VPS13A: variants seen among roughly 807,000 people sequenced by gnomAD.
VPS13A encodes intermembrane lipid transfer protein VPS13A.
VPS13A carries 264 observed loss-of-function variants against 390.9 expected under a neutral mutation model. That is an observed-to-expected ratio of 0.68 (90% CI 0.61 to 0.75). The LOEUF (loss-of-function observed/expected upper bound fraction) is 0.75. Ranked by LOEUF, VPS13A falls within the 30% of genes least tolerant of loss-of-function variation. The pLI is 0.00. For missense variants in VPS13A, 3,409 were observed against 3,733.9 expected (o/e 0.91, Z 2.27); for synonymous variants, 1,231 against 1,227.1 (o/e 1.00, Z -0.07).
intron 23 of VPS13A, among the ~76,000 whole-genome samples, chr9:77,265,987 C>T (rs901270215): frequency 6.6e-6 from 1 of 152,156 alleles, no homozygotes; most frequent in Admixed American, 6.5e-5. Context: ...CCCAGAGATT[C>T]TGGTTGTGTC....
Position 77,238,149 on chromosome 9 carries a change from G to A in VPS13A, c.1743G>A (p.Arg581=), listed in dbSNP as rs751784418. Residue 581 remains arginine, a synonymous_variant, in exon 18 of 72, where the codon AGG becomes AGA. Transcript: ENST00000360280. ...CATTAGATGAAACTGTTTCTCAGAGGTGTATCATAGAAGCTGAACCTTTAG... is the reference window on the plus strand; with the variant it reads ...CATTAGATGAAACTGTTTCTCAGAGATGTATCATAGAAGCTGAACCTTTAG... ...INPLDETVSQ[R]CIIEAEPLEI... 2 of 1,613,684 alleles carry A rather than the reference G, an allele frequency of 1.2e-6. No individual in the cohort carries two copies. Among genetic ancestry groups the A allele is most frequent in the Admixed American group, 1.7e-5 (1 of 60,008 alleles).
At chr9:77,207,245 ATATAT>A (rs1825717441) in intron 5 of VPS13A, among the ~76,000 whole-genome samples, 2 of 112,872 alleles carry the variant, frequency 1.8e-5, no homozygotes, top group Non-Finnish European at 3.8e-5. Flanking sequence ...ATATATATAT[ATATAT>A]ATAAAACGTG....
At chr9:77,239,637 A>G (rs1426034839) in intron 19 of VPS13A, among the ~76,000 whole-genome samples, 3 of 151,940 alleles carry the variant, frequency 2.0e-5, no homozygotes, top group Non-Finnish European at 2.9e-5. Flanking sequence ...TGTCATGTCA[A>G]CAACATGTAA....
intron 45 of VPS13A, among the ~76,000 whole-genome samples, chr9:77,324,780 A>C (rs1829919283): frequency 1.0e-5 from 1 of 97,406 alleles, no homozygotes; most frequent in Admixed American, 8.9e-5. Context: ...GGGTTTAAGC[A>C]ATCCTCCTAT....
intron 13 of VPS13A, among the ~76,000 whole-genome samples, chr9:77,225,469 C>T (rs1307120564): frequency 6.6e-6 from 1 of 152,146 alleles, no homozygotes; most frequent in African/African-American, 2.4e-5. Flanking sequence ...TGGTCTGGAA[C>T]TCCTGAGTTC....
chr9:77,300,889 A>G (rs910692308), intron 33 of VPS13A, among the ~76,000 whole-genome samples: 4 of 152,270 alleles, frequency 2.6e-5, no homozygotes, highest in African/African-American at 7.2e-5. Flanking sequence ...GCACATGCCA[A>G]TCATCTAAGT....
intron 69 of VPS13A, among the ~76,000 whole-genome samples, chr9:77,403,782 A>G (rs1188963171): frequency 6.6e-6 from 1 of 152,212 alleles, no homozygotes; most frequent in African/African-American, 2.4e-5. Flanking sequence ...GGAGGGGTAC[A>G]TGTAAAAATA....
At chr9:77,384,063 A>G (rs1370543447) in intron 68 of VPS13A, among the ~76,000 whole-genome samples, 1 of 151,560 alleles carries the variant, frequency 6.6e-6, no homozygotes, top group African/African-American at 2.4e-5. Context: ...TGACACATAA[A>G]CTGGATTTAA....
intron 68 of VPS13A, chr9:77,384,866 C>T: frequency 1.4e-6 from 2 of 1,431,384 alleles, no homozygotes; most frequent in Non-Finnish European, 1.8e-6. Flanking sequence ...ATGTATCTTA[C>T]ATCCAAAGTA....
intron 50 of VPS13A, among the ~76,000 whole-genome samples, chr9:77,343,032 A>C (rs1380619259): frequency 2.0e-5 from 3 of 152,196 alleles, no homozygotes; most frequent in East Asian, 1.9e-4. Context: ...CTTTTTGTGA[A>C]GTGACTATAC....
chr9:77,342,520 A>G (rs553520586), intron 50 of VPS13A, among the ~76,000 whole-genome samples: 6 of 152,318 alleles, frequency 3.9e-5, no homozygotes, highest in African/African-American at 1.4e-4. Flanking sequence ...CAGATTGTCA[A>G]CATGGGTGGT....
At chr9:77,285,495 A>G (rs1827272436) in intron 31 of VPS13A, among the ~76,000 whole-genome samples, 1 of 152,200 alleles carries the variant, frequency 6.6e-6, no homozygotes, top group Non-Finnish European at 1.5e-5. Flanking sequence ...AGTTTCTGAT[A>G]TCTTCTTCAT....
At chr9:77,268,283 A>C (rs936139525) in intron 23 of VPS13A, among the ~76,000 whole-genome samples, 2 of 152,124 alleles carry the variant, frequency 1.3e-5, no homozygotes, top group Non-Finnish European at 2.9e-5. Context: ...TGGTGTAGGC[A>C]CCCGAGGGAA....
At chr9:77,318,782 T>C (rs1265444527) in intron 41 of VPS13A, among the ~76,000 whole-genome samples, 191 bp downstream of exon 41, 1 of 152,188 alleles carries the variant, frequency 6.6e-6, no homozygotes, top group Admixed American at 6.5e-5. Flanking sequence ...TATGTATACA[T>C]TCCTTTTACT....
At chr9:77,413,563 T>G (rs1455643012) in intron 71 of VPS13A, among the ~76,000 whole-genome samples, 1 of 152,190 alleles carries the variant, frequency 6.6e-6, no homozygotes, top group Non-Finnish European at 1.5e-5. Flanking sequence ...ACTGGATCCC[T>G]TCCTTACACC....
At chr9:77,277,725 A>G (rs1826769345) in intron 26 of VPS13A, among the ~76,000 whole-genome samples, 1 of 151,868 alleles carries the variant, frequency 6.6e-6, no homozygotes, top group Non-Finnish European at 1.5e-5. Context: ...AGTTACCTCC[A>G]TGTCTTTTCA....
At chr9:77,337,720 C>T in intron 47 of VPS13A, 183 bp downstream of exon 47, 1 of 608,024 alleles carries the variant, frequency 1.6e-6, no homozygotes, top group Non-Finnish European at 2.7e-6. Flanking sequence ...CATTTAAGAA[C>T]TAGACTTCAG....
At chr9:77,286,344 C>G (rs1827322428) in intron 31 of VPS13A, among the ~76,000 whole-genome samples, 1 of 152,144 alleles carries the variant, frequency 6.6e-6, no homozygotes, top group African/African-American at 2.4e-5. Flanking sequence ...GACAGGAAGT[C>G]TGGAGGCAGT....
intron 69 of VPS13A, among the ~76,000 whole-genome samples, chr9:77,404,315 GTACT>G (rs1477095615): frequency 6.6e-6 from 1 of 152,048 alleles, no homozygotes; most frequent in Non-Finnish European, 1.5e-5. Context: ...ATACCATTAT[GTACT>G]TAGTTTTAAT....
Sources: allele counts gnomAD v4.1 joint callset (sites outside exome capture counted in the v4.1 genomes callset), GRCh38; gene constraint gnomAD v4.1.1; transcripts MANE v1.5; gene names NCBI Gene and HGNC (gene_info 2026-07-23, HGNC 2026-07-21).